TAPT1: variants seen among roughly 807,000 people sequenced by gnomAD.
The protein encoded by TAPT1 is transmembrane anterior posterior transformation 1, also known as transmembrane anterior posterior transformation protein 1 homolog.
In TAPT1, 28 loss-of-function variants were observed where a neutral mutation model predicts 65.6. The observed-to-expected ratio is 0.43, with a 90% confidence interval of 0.32 to 0.59. The LOEUF (loss-of-function observed/expected upper bound fraction) is 0.59, where lower values mean the gene tolerates loss of function less well. Ranked by LOEUF, TAPT1 falls within the 20% of genes least tolerant of loss-of-function variation. The pLI, the probability that TAPT1 is intolerant of heterozygous loss-of-function variation, is 0.09. For synonymous variants in TAPT1, 278 were observed against 245.2 expected, an observed-to-expected ratio of 1.13 and a Z score of -1.25; for missense variants, 563 against 679.9, an observed-to-expected ratio of 0.83 and a Z score of 1.91.
upstream of TAPT1, chr4:16,227,010 C>A: frequency 2.2e-6 from 1 of 449,928 alleles, no homozygotes. Context: ...GGCGGGGGCC[C>A]GGCTCCAGAT....
intron 1 of TAPT1, among the ~76,000 whole-genome samples, chr4:16,218,401 T>G (rs535457221): frequency 1.3e-5 from 2 of 152,188 alleles, no homozygotes; most frequent in African/African-American, 4.8e-5. Flanking sequence ...TGAAACTCCA[T>G]CTCAAGAAAA....
intron 1 of TAPT1, among the ~76,000 whole-genome samples, chr4:16,215,762 G>C (rs1750904746): frequency 6.6e-6 from 1 of 152,186 alleles, no homozygotes; most frequent in African/African-American, 2.4e-5. Context: ...AAAGGACTTA[G>C]TCTAACCAAA....
At position 16,163,513 on chromosome 4, in the gene TAPT1, G is replaced by T; in HGVS notation, c.1499C>A (p.Ser500Tyr). The T allele has an allele frequency of 6.2e-7, 1 of 1,613,794 alleles. No homozygotes were observed. Among genetic ancestry groups the T allele is most frequent in the South Asian group, 1.1e-5 (1 of 91,038 alleles). Residue 500 changes from serine to tyrosine, a missense_variant, in exon 14 of 14, where the codon TCT becomes TAT. Around this residue, in one of 5 missense-constraint regions of TAPT1, gnomAD observed 136 missense variants for 153.9 expected, o/e 0.88. Coordinates refer to ENST00000405303, the MANE Select transcript of TAPT1 (RefSeq NM_153365.3). ...SQGLSTEENL[S>Y]ASITKQPIHQ... ...AATAGGTTGTTTGGTGATGGAGGCA[G>T]ACAGGTTTTCTTCTGTGGAAAGGCC...
chr4:16,200,773 CATG>C (rs1404948677), intron 3 of TAPT1, among the ~76,000 whole-genome samples: 2 of 152,074 alleles, frequency 1.3e-5, no homozygotes, highest in South Asian at 2.1e-4. Flanking sequence ...ACTAAAATGC[CATG>C]ATATCATGAA....
intron 2 of TAPT1, among the ~76,000 whole-genome samples, chr4:16,212,998 T>C (rs544025466): frequency 6.6e-5 from 10 of 152,354 alleles, no homozygotes; most frequent in African/African-American, 2.4e-4. Flanking sequence ...ACTCTTCTGA[T>C]AGCCACTCCA....
intron 10 of TAPT1, 60 bp from the exon 11 acceptor site, chr4:16,174,332 TACTATTC>T: frequency 5.0e-6 from 7 of 1,401,458 alleles, no homozygotes; most frequent in Non-Finnish European, 5.9e-6. Context: ...ATTTTAAAAG[TACTATTC>T]ACTTATTACC....
chr4:16,211,700 T>C (rs1476442421), intron 2 of TAPT1, among the ~76,000 whole-genome samples: 1 of 152,176 alleles, frequency 6.6e-6, no homozygotes, highest in Non-Finnish European at 1.5e-5. Flanking sequence ...TTTACATTCA[T>C]ACAAATGGAA....
chr4:16,194,420 T>C (rs1749565481), intron 3 of TAPT1, among the ~76,000 whole-genome samples: 1 of 152,194 alleles, frequency 6.6e-6, no homozygotes, highest in Non-Finnish European at 1.5e-5. Flanking sequence ...GCAGCAGGGA[T>C]GGAAACTTGG....
chr4:16,176,392 T>G, intron 8 of TAPT1, 164 bp from the exon 9 acceptor site: 1 of 463,092 alleles, frequency 2.2e-6, no homozygotes, highest in South Asian at 4.0e-5. Flanking sequence ...CTATACTGTA[T>G]CAAGTTAAAG....
intron 3 of TAPT1, among the ~76,000 whole-genome samples, chr4:16,197,294 G>A (rs1749768129): frequency 6.6e-6 from 1 of 152,126 alleles, no homozygotes; most frequent in Non-Finnish European, 1.5e-5. Flanking sequence ...TGCTCTAATA[G>A]TAAAAAACAA....
At chr4:16,205,528 A>G (rs1206708845) in intron 2 of TAPT1, among the ~76,000 whole-genome samples, 2 of 152,200 alleles carry the variant, frequency 1.3e-5, no homozygotes, top group Non-Finnish European at 2.9e-5. Context: ...CACAAACCGC[A>G]TGCTAAGTGC....
intron 1 of TAPT1, chr4:16,216,050 C>T (rs1313111154): frequency 6.6e-6 from 1 of 152,146 alleles, no homozygotes; most frequent in African/African-American, 2.4e-5. Flanking sequence ...AGAGGAGATT[C>T]CACATATATA....
chr4:16,225,744 A>G, intron 1 of TAPT1: 1 of 335,690 alleles, frequency 3.0e-6, no homozygotes, highest in Non-Finnish European at 4.2e-6. Context: ...ATATTTCTGT[A>G]CTGGGCAAAA....
At chr4:16,197,221 C>T (rs1749761586) in intron 3 of TAPT1, among the ~76,000 whole-genome samples, 1 of 152,182 alleles carries the variant, frequency 6.6e-6, no homozygotes, top group South Asian at 2.1e-4. Context: ...TGTGAAGCCT[C>T]ATGTGAGAGT....
At chr4:16,166,120 G>T (rs532496702) in intron 13 of TAPT1, among the ~76,000 whole-genome samples, 12 of 152,234 alleles carry the variant, frequency 7.9e-5, no homozygotes, top group Non-Finnish European at 1.3e-4. Flanking sequence ...TCCTGCCTTG[G>T]TGCCTTTGCT....
At chr4:16,185,308 C>T (rs536909291) in intron 7 of TAPT1, among the ~76,000 whole-genome samples, 18 of 150,966 alleles carry the variant, frequency 1.2e-4, no homozygotes, top group Admixed American at 4.0e-4. Context: ...GTTTTCATTT[C>T]GAATATGGTG....
chr4:16,224,630 C>T (rs1449338731), intron 1 of TAPT1, among the ~76,000 whole-genome samples: 1 of 152,178 alleles, frequency 6.6e-6, no homozygotes, highest in East Asian at 1.9e-4. Context: ...ACTACCCCAA[C>T]AGCTAAACCT....
chr4:16,217,962 G>C (rs1246201141), intron 1 of TAPT1, among the ~76,000 whole-genome samples: 3 of 152,200 alleles, frequency 2.0e-5, no homozygotes, highest in Non-Finnish European at 4.4e-5. Context: ...GAGTGCCCTG[G>C]GTTTGGGAAT....
chr4:16,192,530 G>T (rs1368055601), intron 3 of TAPT1, among the ~76,000 whole-genome samples: 5 of 152,066 alleles, frequency 3.3e-5, no homozygotes, highest in Non-Finnish European at 7.4e-5. Flanking sequence ...TTACTTCTGA[G>T]GTTAGAGTAA....
Sources: allele counts gnomAD v4.1 joint callset (sites outside exome capture counted in the v4.1 genomes callset), GRCh38; gene constraint gnomAD v4.1.1; regional missense constraint gnomAD v4.1.1; transcripts MANE v1.5; gene names NCBI Gene and HGNC (gene_info 2026-07-23, HGNC 2026-07-21).